Variants in KCNQ2 observed in about 807,000 individuals in gnomAD.
KCNQ2 encodes the protein potassium voltage-gated channel subfamily KQT member 2.
In KCNQ2, 14 loss-of-function variants were observed where a neutral mutation model predicts 84.8. The ratio of observed to expected loss-of-function variants is 0.17; its 90% confidence interval spans 0.11 to 0.26. The LOEUF (loss-of-function observed/expected upper bound fraction) is 0.26. Among genes scored for constraint, KCNQ2 ranks in the 10% least tolerant of loss-of-function variants. KCNQ2 has a pLI of 1.00. For missense variants in KCNQ2, 788 were observed against 1,254.0 expected, an observed-to-expected ratio of 0.63 and a Z score of 5.61; for synonymous variants, 599 against 554.1, an observed-to-expected ratio of 1.08 and a Z score of -1.14.
In KCNQ2 at chr20:63,472,059, C is replaced by T. The variant is rs1199392821; in HGVS notation, c.296+109G>A. On this transcript the variant is annotated intron_variant, in intron 1 of 16. Transcript: ENST00000359125. ...GGAGCGCCGGCCCCGGACCCAGACC[C>T]AGGGGCAGGGAGCCAAACCCGCCGC... 5.3e-6 allele frequency: 4 copies of T among 756,782 alleles called. No individual in the cohort carries two copies. In the African/African-American group the frequency reaches 5.6e-5, roughly 11 times the overall value. The allele number at this position is 756,782 out of a possible 1,614,324, so 46.9% of individuals were successfully genotyped here.
intron 10 of KCNQ2, among the ~76,000 whole-genome samples, chr20:63,424,968 G>A (rs894663139): frequency 6.6e-6 from 1 of 152,298 alleles, no homozygotes; most frequent in African/African-American, 2.4e-5. Flanking sequence ...CAGGGACCGT[G>A]TTGCCGTGGA....
Position 63,414,843 on chromosome 20 carries a change from C to T in KCNQ2, c.1525+60G>A, listed in dbSNP as rs1431687397. 1.2e-5 allele frequency: 18 copies of T among 1,515,788 alleles called. 1 individual carries two copies. Among genetic ancestry groups the T allele is most frequent in the African/African-American group, 1.4e-5 (1 of 73,056 alleles). The allele number at this position is 1,515,788 out of a possible 1,614,324, so 93.9% of individuals were successfully genotyped here. A position where few individuals can be genotyped will look rare whatever the true frequency, so the allele number is the denominator to read the frequency against. On this transcript the variant is annotated intron_variant, in intron 13 of 16. Transcript: ENST00000359125. This position sits in a 1 kb window ranked among gnomAD's most constrained non-coding sequence, Gnocchi z 6.6. ...CGACGCCACAGGGTGGCCACAGTAG[C>T]GTGGCCACCACATCCATCCCCGGAG...
rs2302514 is a variant in KCNQ2 at position 63,424,386 on chromosome 20, C to T, written c.1218-180G>A. On this transcript the variant is annotated intron_variant, in intron 10 of 16. Transcript: ENST00000359125. ...CCCAGAGAGCCCACGGCCCCAGGAA[C>T]GGGCACCCCAGGGCCCACGGAGGCA... The T allele has an allele frequency of 0.078, 53,624 of 688,958 alleles. 7,639 individuals carry two copies. Among genetic ancestry groups the T allele is most frequent in the East Asian group, 0.55 (20,101 of 36,666 alleles). 42.7% of individuals were successfully genotyped at this position (688,958 alleles called of 1,614,324 possible).
At position 63,402,827 on chromosome 20, in the gene KCNQ2, G is replaced by A. The variant is rs1352300311; in HGVS notation, c.*3817C>T. 6.6e-6 allele frequency: 1 copy of A among 152,316 alleles called. No homozygotes were observed. The highest frequency in any genetic ancestry group is 1.9e-4 in the East Asian group (1 of 5,188). 9.4% of individuals were successfully genotyped at this position (152,316 alleles called of 1,614,324 possible). On this transcript the variant is annotated 3_prime_UTR_variant, in exon 17 of 17. Transcript: ENST00000359125. ...CTGAGGGGCAGCGTGTCCTCCGGTG[G>A]GGGGTGTTGGGCACCTGCCCTGCTC...
intron 1 of KCNQ2, among the ~76,000 whole-genome samples, chr20:63,454,435 G>A (rs1176624219): frequency 6.6e-6 from 1 of 152,266 alleles, no homozygotes; most frequent in African/African-American, 2.4e-5. Flanking sequence ...TTGGAGGAGG[G>A]AGGAGGCGGC....
intron 11 of KCNQ2, 99 bp downstream of exon 11, chr20:63,424,078 G>A (rs1270752245): frequency 1.5e-6 from 2 of 1,329,100 alleles, no homozygotes; most frequent in East Asian, 5.0e-5. Context: ...GCACACACAA[G>A]GCCCTCACAT....
rs538656848 is a variant in KCNQ2, at chr20:63,420,268, T to C, written c.1248-596A>G. 1.1e-4 allele frequency among the ~76,000 whole-genome samples: 16 copies of C among 152,326 alleles called. No individual in the cohort carries two copies. The East Asian group carries it at 3.1e-3, about 29-fold the overall frequency. ...GTTGGGGCTCAGTGGATCCCCTCAT[T>C]GTGAAGCCCTTCAGGAGCGCAGCTC... On this transcript the variant is annotated intron_variant, in intron 11 of 16. Transcript: ENST00000359125.
intron 12 of KCNQ2, 103 bp from the exon 13 acceptor site, chr20:63,415,229 C>T (rs932816663): frequency 1.5e-5 from 16 of 1,040,304 alleles, no homozygotes; most frequent in African/African-American, 9.4e-5. Flanking sequence ...GCCCATGCGC[C>T]GGAGGGAGAC....
At chr20:63,470,922 G>A (rs2082199717) in intron 1 of KCNQ2, 2 of 152,206 alleles carry the variant, frequency 1.3e-5, no homozygotes, top group African/African-American at 4.8e-5. Context: ...TCTGCTTGGG[G>A]AGTCCCAGGC....
At position 63,466,068 on chromosome 20, in the gene KCNQ2, G is replaced by A. The variant is rs535687145; in HGVS notation, c.296+6100C>T. On this transcript the variant is annotated intron_variant, in intron 1 of 16. Transcript: ENST00000359125. ...CCTGCCCACAGTGGTTTCTCAAGCC[G>A]AAGATCATTCCTGTCCTCCAAGCCT... Among the ~76,000 whole-genome samples the A allele has an allele frequency of 5.3e-5, 8 of 152,300 alleles. No individual in the cohort carries two copies. The South Asian group carries it at 6.2e-4, about 12-fold the overall frequency.
At chr20:63,413,253 G>T in intron 15 of KCNQ2, 197 bp downstream of exon 15, 1 of 630,748 alleles carries the variant, frequency 1.6e-6, no homozygotes, top group Non-Finnish European at 2.8e-6. Context: ...GTGTGGATGG[G>T]GGAGAGATGG....
At chr20:63,468,141 A>C (rs1337239168) in intron 1 of KCNQ2, among the ~76,000 whole-genome samples, 1 of 152,196 alleles carries the variant, frequency 6.6e-6, no homozygotes, top group Non-Finnish European at 1.5e-5. Context: ...AGACCTCCCA[A>C]GGGGTCCAGG....
chr20:63,406,492 C>G lies in KCNQ2; in HGVS notation c.*152G>C, dbSNP rs956851718. The G allele has an allele frequency of 1.8e-4, 164 of 903,490 alleles. No homozygotes were observed. The highest frequency in any genetic ancestry group is 2.5e-4 in the Non-Finnish European group (151 of 616,268). 56.0% of individuals were successfully genotyped at this position (903,490 alleles called of 1,614,324 possible). On this transcript the variant is annotated 3_prime_UTR_variant, in exon 17 of 17. Coordinates refer to ENST00000359125, the MANE Select transcript of KCNQ2 (RefSeq NM_172107.4). ...GTAAAAGGTCACTGCCAGGAGCCCC[C>G]ATCCTTCAGCCCACATGGGCCCCTC...
chr20:63,420,804 G>A (rs1039488943), intron 11 of KCNQ2, among the ~76,000 whole-genome samples: 4 of 150,754 alleles, frequency 2.7e-5, no homozygotes, highest in South Asian at 2.1e-4. Flanking sequence ...GTGCCGGTCC[G>A]GCTTTTTAGT....
chr20:63,411,513 C>T (rs1444713875), intron 15 of KCNQ2, among the ~76,000 whole-genome samples: 2 of 152,208 alleles, frequency 1.3e-5, no homozygotes, highest in East Asian at 3.9e-4. Flanking sequence ...TCTCACAGGG[C>T]ATCCACAGAG....
In KCNQ2 at chr20:63,404,647, G is replaced by C. The variant is rs1392622287; in HGVS notation, c.*1997C>G. 6.6e-6 allele frequency: 1 copy of C among 152,284 alleles called. No individual in the cohort carries two copies. The highest frequency in any genetic ancestry group is 1.9e-4 in the East Asian group (1 of 5,198). 9.4% of individuals were successfully genotyped at this position (152,284 alleles called of 1,614,324 possible). ...CCTGCCCCATGACGGGACGGCAAAG[G>C]GACATGGACCCCAGGCTCGAGCCAG... On this transcript the variant is annotated 3_prime_UTR_variant, in exon 17 of 17. Coordinates refer to ENST00000359125, the MANE Select transcript of KCNQ2 (RefSeq NM_172107.4).
chr20:63,472,356 C>T lies in KCNQ2; in HGVS notation c.108G>A (p.Arg36=). 6.5e-7 allele frequency: 1 copy of T among 1,535,686 alleles called. No homozygotes were observed. Among genetic ancestry groups the T allele is most frequent in the South Asian group, 1.2e-5 (1 of 82,682 alleles). The part of the protein sequence containing the change: ...GLDPGAPDST[R]DGALLIAGSE... ...AGCCGGCGATCAGCAGCGCCCCGTCCCGGGTGGAGTCGGGCGCGCCGGGGT... is the reference window on the plus strand; with the variant it reads ...AGCCGGCGATCAGCAGCGCCCCGTCTCGGGTGGAGTCGGGCGCGCCGGGGT... The change falls in exon 1 of 17, where the codon CGG becomes CGA. Residue 36 remains arginine, a synonymous_variant. Coordinates refer to ENST00000359125, the MANE Select transcript of KCNQ2 (RefSeq NM_172107.4).
intron 1 of KCNQ2, among the ~76,000 whole-genome samples, chr20:63,461,773 T>C (rs78845088): frequency 6.8e-4 from 82 of 120,824 alleles, no homozygotes; most frequent in South Asian, 3.5e-3. Flanking sequence ...AGGCTGCACC[T>C]ACCCCAGGGA....
rs934785638 is a variant in KCNQ2, at chr20:63,415,290, G to A, written c.1302-164C>T. Among the ~76,000 whole-genome samples, 18 of 151,042 alleles carry A rather than the reference G, an allele frequency of 1.2e-4. 1 individual carries two copies. The highest frequency in any genetic ancestry group is 6.3e-4 in the South Asian group (3 of 4,798). The stretch of plus-strand genomic sequence containing the variant: ...ACGGGTGGCTCAGAGCAGGTGCCAC[G>A]GGGACCGAGCACCCGGCGGGAGGGA... On this transcript the variant is annotated intron_variant, in intron 12 of 16. Transcript: ENST00000359125.
Sources: gnomAD v4.1 joint callset for allele counts (sites outside exome capture counted in the v4.1 genomes callset) on GRCh38, gnomAD v4.1.1 for gene constraint, Gnocchi (gnomAD v3.1) non-coding constraint, MANE v1.5 for transcripts, NCBI Gene and HGNC (gene_info 2026-07-23, HGNC 2026-07-21) for gene names.